ERICH1: variants seen among roughly 807,000 people sequenced by gnomAD.
ERICH1 encodes the protein glutamate rich 1.
In ERICH1, 56 loss-of-function variants were observed where a neutral mutation model predicts 39.6. The observed-to-expected ratio is 1.41, with a 90% CI of 1.14 to 1.77. The LOEUF is 1.77. Among genes scored for constraint, ERICH1 ranks in the 40% most tolerant of loss-of-function variants. The pLI is 0.00. For missense variants in ERICH1, 826 were observed against 575.4 expected (o/e 1.44, Z -4.45); for synonymous variants, 313 against 223.6 (o/e 1.40, Z -3.57).
intron 4 of ERICH1, among the ~76,000 whole-genome samples, chr8:670,000 C>G (rs1338784895): frequency 1.3e-5 from 2 of 152,170 alleles, no homozygotes; most frequent in Non-Finnish European, 2.9e-5. Context: ...TCCTCTCCAC[C>G]TGGGCCTGTT....
chr8:700,578 A>ACAGGCGCACAGG (rs1563300033), intron 2 of ERICH1, among the ~76,000 whole-genome samples: 9,291 of 90,386 alleles, frequency 0.1, 1,489 homozygotes, highest in Middle Eastern at 0.22. Context: ...AGGCGCACAG[A>ACAGGCGCACAGG]CCCGCACACA....
intron 3 of ERICH1, among the ~76,000 whole-genome samples, chr8:658,922 G>T (rs1345327990): frequency 6.6e-6 from 1 of 152,194 alleles, no homozygotes; most frequent in Non-Finnish European, 1.5e-5. Flanking sequence ...CGACCCAGGG[G>T]CCCTTACCAG....
At chr8:616,654 G>A in intron 3 of ERICH1, 4 of 454,114 alleles carry the variant, frequency 8.8e-6, no homozygotes, top group Non-Finnish European at 1.8e-5. Context: ...GAGACAGACG[G>A]GGGCGCGGGG....
At chr8:683,462 A>G (rs1259908198) in intron 3 of ERICH1, among the ~76,000 whole-genome samples, 17 of 152,182 alleles carry the variant, frequency 1.1e-4, no homozygotes, top group Non-Finnish European at 2.1e-4. Flanking sequence ...CTCGGAATAA[A>G]GAGGACTTGA....
chr8:665,505 C>T (rs1022340286), intron 5 of ERICH1, among the ~76,000 whole-genome samples: 5 of 152,334 alleles, frequency 3.3e-5, no homozygotes, highest in Middle Eastern at 6.8e-3. Flanking sequence ...CACACTCCCC[C>T]CAGGCAGGCT....
intron 3 of ERICH1, among the ~76,000 whole-genome samples, chr8:688,061 G>C (rs1021479109): frequency 1.3e-5 from 2 of 152,248 alleles, no homozygotes; most frequent in Admixed American, 1.3e-4. Context: ...GGCGGCGCGC[G>C]GTCAAATTCC....
At chr8:665,299 C>T (rs961355842) in intron 5 of ERICH1, among the ~76,000 whole-genome samples, 9 of 152,200 alleles carry the variant, frequency 5.9e-5, no homozygotes, top group Non-Finnish European at 1.2e-4. Flanking sequence ...TCCCCGGCTC[C>T]AACCTCTGAG....
At chr8:668,518 G>T in intron 5 of ERICH1, 80 bp downstream of exon 5, 2 of 1,459,972 alleles carry the variant, frequency 1.4e-6, no homozygotes, top group South Asian at 1.1e-5. Flanking sequence ...TTGCTGTTTT[G>T]GTGGCGTGTA....
chr8:716,896 C>A (rs926477795), intron 1 of ERICH1, among the ~76,000 whole-genome samples: 3 of 152,174 alleles, frequency 2.0e-5, no homozygotes, highest in Non-Finnish European at 4.4e-5. Context: ...AACACTGTAG[C>A]TGAAGGCACA....
intron 3 of ERICH1, among the ~76,000 whole-genome samples, chr8:682,037 C>G (rs548408270): frequency 2.0e-5 from 3 of 150,118 alleles, no homozygotes; most frequent in East Asian, 2.0e-4. Context: ...CATCCACCCC[C>G]ACCCTGCCCC....
At chr8:678,790 A>G (rs1053375606) in intron 3 of ERICH1, among the ~76,000 whole-genome samples, 4 of 152,164 alleles carry the variant, frequency 2.6e-5, no homozygotes, top group African/African-American at 7.2e-5. Flanking sequence ...CCTGGGTGAC[A>G]GCGCGAGACT....
downstream of ERICH1, among the ~76,000 whole-genome samples, chr8:662,841 A>G (rs552658261): frequency 2.7e-5 from 4 of 150,146 alleles, no homozygotes; most frequent in South Asian, 2.2e-4. Flanking sequence ...ACGCCTCACA[A>G]TGACTTCGGA....
intron 3 of ERICH1, among the ~76,000 whole-genome samples, chr8:642,718 G>A (rs1171311933): frequency 2.0e-5 from 3 of 152,010 alleles, no homozygotes; most frequent in South Asian, 2.1e-4. Flanking sequence ...GCGTTGTTCC[G>A]CCTTGATCTT....
At chr8:630,120 C>A (rs1797899273) in intron 3 of ERICH1, among the ~76,000 whole-genome samples, 1 of 127,242 alleles carries the variant, frequency 7.9e-6, no homozygotes, top group Non-Finnish European at 1.7e-5. Flanking sequence ...CCCGTGAGCA[C>A]CCACACAGAC....
intron 3 of ERICH1, among the ~76,000 whole-genome samples, chr8:653,714 G>A (rs1800259607): frequency 6.6e-6 from 1 of 152,230 alleles, no homozygotes; most frequent in Admixed American, 6.5e-5. Flanking sequence ...TCTGGACACA[G>A]GCTATAACAC....
chr8:655,882 C>A (rs1362571487), intron 3 of ERICH1, among the ~76,000 whole-genome samples: 2 of 152,178 alleles, frequency 1.3e-5, no homozygotes, highest in Non-Finnish European at 2.9e-5. Flanking sequence ...ACTTTTCCCT[C>A]CACACACGCA....
At chr8:624,224 T>C (rs866972028) in intron 3 of ERICH1, among the ~76,000 whole-genome samples, 1 of 151,748 alleles carries the variant, frequency 6.6e-6, no homozygotes, top group Admixed American at 6.6e-5. Context: ...GATGGCTAGA[T>C]GAGAAAGATA....
chr8:715,243 AGGTGGTCTATTCCCGTG>A (rs1815628112), intron 2 of ERICH1, among the ~76,000 whole-genome samples: 2 of 152,030 alleles, frequency 1.3e-5, no homozygotes, highest in Non-Finnish European at 2.9e-5. Context: ...TGCCGCAGAC[AGGTGGTCTATTCCCGTG>A]TCTCTCAGTG....
chr8:627,093 G>A (rs1047417863), intron 3 of ERICH1: 8 of 455,940 alleles, frequency 1.8e-5, no homozygotes, highest in Non-Finnish European at 3.1e-5. Flanking sequence ...GGGGATGGAC[G>A]TATCCCTAGA....
Sources: gnomAD v4.1 joint callset for allele counts (sites outside exome capture counted in the v4.1 genomes callset) on GRCh38, gnomAD v4.1.1 for gene constraint, MANE v1.5 for transcripts, NCBI Gene and HGNC (gene_info 2026-07-23, HGNC 2026-07-21) for gene names.